GTF2H5: variants seen among roughly 807,000 people sequenced by gnomAD.
GTF2H5 encodes TFB5 ortholog.
Under a neutral mutation model 7.1 loss-of-function variants are expected in GTF2H5, and 5 were observed. The observed-to-expected ratio is 0.71, with a 90% CI of 0.37 to 1.49. The LOEUF (loss-of-function observed/expected upper bound fraction) is 1.49, where lower values mean the gene tolerates loss of function less well. GTF2H5 is among the 40% of genes most tolerant of loss of function. The pLI is 0.03. For missense variants in GTF2H5, 80 were observed against 83.0 expected, an observed-to-expected ratio of 0.96 and a Z score of 0.14; for synonymous variants, 30 against 31.7, an observed-to-expected ratio of 0.95 and a Z score of 0.18.
Position 158,194,263 on chromosome 6 carries a change from C to G in GTF2H5, c.*2106C>G, listed in dbSNP as rs1219690885. On this transcript the variant is annotated 3_prime_UTR_variant, in exon 3 of 3. Coordinates refer to ENST00000607778, the MANE Select transcript of GTF2H5 (RefSeq NM_207118.3). ...TGTACCCGAGCAAGTTAGAGGAACG[C>G]CACACTTTGAGACGAATTTAAAAGT... The G allele has an allele frequency of 6.6e-6, 1 of 152,124 alleles. No homozygotes were observed. Among genetic ancestry groups the G allele is most frequent in the Non-Finnish European group, 1.5e-5 (1 of 68,026 alleles). 9.4% of individuals were successfully genotyped at this position (152,124 alleles called of 1,614,324 possible).
At chr6:158,171,196 A>G (rs1785851345) in intron 2 of GTF2H5, among the ~76,000 whole-genome samples, 1 of 152,260 alleles carries the variant, frequency 6.6e-6, no homozygotes, top group African/African-American at 2.4e-5. Flanking sequence ...AATGCAAGCC[A>G]CAGATATAGT....
chr6:158,169,495 T>TTA (rs369821163), intron 1 of GTF2H5, among the ~76,000 whole-genome samples: 5,182 of 54,228 alleles, frequency 0.096, 481 homozygotes, highest in African/African-American at 0.13. Context: ...ATATTGTATA[T>TTA]TATATAATAT....
chr6:158,195,774 T>C lies in GTF2H5; in HGVS notation c.*3617T>C, dbSNP rs1777097443. On this transcript the variant is annotated 3_prime_UTR_variant, in exon 3 of 3. Coordinates refer to ENST00000607778, the MANE Select transcript of GTF2H5 (RefSeq NM_207118.3). ...AAAGCCTCTGCTGTAACTAAAATAC[T>C]GAGATCATTCTATCTTAACAAACTT... 6.6e-6 allele frequency: 1 copy of C among 152,230 alleles called. No individual in the cohort carries two copies. The highest frequency in any genetic ancestry group is 1.5e-5 in the Non-Finnish European group (1 of 68,048). The allele number at this position is 152,230 out of a possible 1,614,324, so 9.4% of individuals were successfully genotyped here.
chr6:158,191,229 C>A (rs1025756076), intron 2 of GTF2H5, among the ~76,000 whole-genome samples: 1 of 152,114 alleles, frequency 6.6e-6, no homozygotes, highest in African/African-American at 2.4e-5. Context: ...ATACACCCTG[C>A]CTGACCAAAG....
In GTF2H5 at chr6:158,193,204, T is replaced by TAGGAGGATGTCTTAAGCCC; in HGVS notation, c.*1053_*1054insATGTCTTAAGCCCAGGAGG. ...GTCCCAGCCACTGGGGAGGCTGAGG[T>TAGGAGGATGTCTTAAGCCC]AGGAGGTCAAGGCTGCAGTGAACCT... is the stretch of plus-strand genomic sequence containing the variant. On this transcript the variant is annotated 3_prime_UTR_variant, in exon 3 of 3. Transcript: ENST00000607778. The TAGGAGGATGTCTTAAGCCC allele has an allele frequency of 6.6e-6, 1 of 150,862 alleles. No homozygotes were observed. Among genetic ancestry groups the TAGGAGGATGTCTTAAGCCC allele is most frequent in the South Asian group, 2.1e-4 (1 of 4,782 alleles). The allele number at this position is 150,862 out of a possible 1,614,324, so 9.3% of individuals were successfully genotyped here.
At chr6:158,186,414 A>G (rs1046570161) in intron 2 of GTF2H5, among the ~76,000 whole-genome samples, 1 of 152,248 alleles carries the variant, frequency 6.6e-6, no homozygotes, top group African/African-American at 2.4e-5. Context: ...ATCTGAATGT[A>G]CTGAGCTCAA....
intron 2 of GTF2H5, among the ~76,000 whole-genome samples, chr6:158,174,418 A>G (rs1193651479): frequency 1.3e-5 from 2 of 152,244 alleles, no homozygotes; most frequent in Non-Finnish European, 2.9e-5. Flanking sequence ...TCTCACCTTC[A>G]GAGAATTGAA....
intron 2 of GTF2H5, among the ~76,000 whole-genome samples, chr6:158,186,105 T>A (rs1776917826): frequency 6.6e-6 from 1 of 152,226 alleles, no homozygotes; most frequent in Non-Finnish European, 1.5e-5. Context: ...AAACGTTAGT[T>A]GATTTAAAGG....
chr6:158,189,303 C>T (rs961123022), intron 2 of GTF2H5, among the ~76,000 whole-genome samples: 1 of 152,102 alleles, frequency 6.6e-6, no homozygotes, highest in African/African-American at 2.4e-5. Flanking sequence ...TACCCACCAA[C>T]CCTCCTCTTT....
intron 1 of GTF2H5, among the ~76,000 whole-genome samples, chr6:158,169,678 A>ATT (rs1491452253): frequency 2.0e-5 from 1 of 48,856 alleles, no homozygotes; most frequent in African/African-American, 1.1e-4. Context: ...TATATTATAT[A>ATT]ATATATAATA....
chr6:158,182,939 T>C (rs1470892850), intron 2 of GTF2H5, among the ~76,000 whole-genome samples: 2 of 152,142 alleles, frequency 1.3e-5, no homozygotes, highest in African/African-American at 4.8e-5. Context: ...GTTGTGTTCC[T>C]TTGGAAGAGA....
chr6:158,198,944 T>C lies in GTF2H5; in HGVS notation c.*6787T>C, dbSNP rs995968825. The C allele has an allele frequency of 6.6e-6, 1 of 152,226 alleles. No homozygotes were observed. Among genetic ancestry groups the C allele is most frequent in the Non-Finnish European group, 1.5e-5 (1 of 68,046 alleles). 9.4% of individuals were successfully genotyped at this position (152,226 alleles called of 1,614,324 possible). On this transcript the variant is annotated 3_prime_UTR_variant, in exon 3 of 3. Transcript: ENST00000607778. ...TGTTTTGTTTTGCTTTGGGGAGAATTCTTTTGACGTTTTTGAATAAGCTGT... is the reference window on the plus strand; with the variant it reads ...TGTTTTGTTTTGCTTTGGGGAGAATCCTTTTGACGTTTTTGAATAAGCTGT...
intron 2 of GTF2H5, among the ~76,000 whole-genome samples, chr6:158,172,982 C>G (rs1045909282): frequency 6.6e-6 from 1 of 152,174 alleles, no homozygotes; most frequent in Non-Finnish European, 1.5e-5. Context: ...AATGACTGTC[C>G]ATCACCTTGC....
chr6:158,184,539 A>G (rs1458297306), intron 2 of GTF2H5, among the ~76,000 whole-genome samples: 1 of 152,118 alleles, frequency 6.6e-6, no homozygotes, highest in Non-Finnish European at 1.5e-5. Context: ...TCATGTACCA[A>G]ATTGTTATTG....
chr6:158,177,877 A>G (rs1159779107), intron 2 of GTF2H5, among the ~76,000 whole-genome samples: 1 of 152,140 alleles, frequency 6.6e-6, no homozygotes, highest in Non-Finnish European at 1.5e-5. Context: ...AGCTTCATCC[A>G]TGTCCCTACA....
chr6:158,169,507 T>TGTATATTATATATATTATAC (rs1201478120), intron 1 of GTF2H5, among the ~76,000 whole-genome samples: 1 of 57,952 alleles, frequency 1.7e-5, no homozygotes, highest in Admixed American at 4.0e-4. Flanking sequence ...ATATAATATA[T>TGTATATTATATATATTATAC]TGTATATTAT....
chr6:158,192,900 T>A lies in GTF2H5; in HGVS notation c.*743T>A, dbSNP rs1777050232. The A allele has an allele frequency of 1.2e-5, 1 of 82,324 alleles. No individual in the cohort carries two copies. Among genetic ancestry groups the A allele is most frequent in the African/African-American group, 5.7e-5 (1 of 17,618 alleles). 5.1% of individuals were successfully genotyped at this position (82,324 alleles called of 1,614,324 possible). Reference sequence around the variant, plus strand: ...TCTGGCCTGGACAACAGAGAGACCCTGCCTCAAAAAAAAAAAAAAAAAAAA... The same window carrying A: ...TCTGGCCTGGACAACAGAGAGACCCAGCCTCAAAAAAAAAAAAAAAAAAAA... On this transcript the variant is annotated 3_prime_UTR_variant, in exon 3 of 3. Transcript: ENST00000607778.
chr6:158,197,362 A>G lies in GTF2H5; in HGVS notation c.*5205A>G, dbSNP rs758634529. On this transcript the variant is annotated 3_prime_UTR_variant, in exon 3 of 3. Coordinates refer to ENST00000607778, the MANE Select transcript of GTF2H5 (RefSeq NM_207118.3). ...TTGTCTGAGTCGTTATGCTCAAAAT[A>G]TCCAATAATATTTCTTTTGCTGAGC... is the stretch of plus-strand genomic sequence containing the variant. 5 of 167,962 alleles carry G rather than the reference A, an allele frequency of 3.0e-5. No individual in the cohort carries two copies. The highest frequency in any genetic ancestry group is 4.0e-5 in the Non-Finnish European group (3 of 74,208). The allele number at this position is 167,962 out of a possible 1,614,324, so 10.4% of individuals were successfully genotyped here. A position where few individuals can be genotyped will look rare whatever the true frequency, so the allele number is the denominator to read the frequency against.
At chr6:158,190,308 T>C (rs1777005532) in intron 2 of GTF2H5, among the ~76,000 whole-genome samples, 1 of 152,212 alleles carries the variant, frequency 6.6e-6, no homozygotes, top group African/African-American at 2.4e-5. Context: ...TGGAGTTTTC[T>C]TGTTCCTCTT....
Sources: allele counts gnomAD v4.1 joint callset (sites outside exome capture counted in the v4.1 genomes callset), GRCh38; gene constraint gnomAD v4.1.1; transcripts MANE v1.5; gene names NCBI Gene and HGNC (gene_info 2026-07-23, HGNC 2026-07-21).